Variants in HDAC4 observed in about 807,000 individuals in gnomAD.
HDAC4 encodes the protein histone deacetylase 4, also known as histone deacetylase A.
HDAC4 carries 16 observed loss-of-function variants against 135.1 expected under a neutral mutation model. The ratio of observed to expected loss-of-function variants is 0.12; its 90% CI spans 0.08 to 0.18. The LOEUF (loss-of-function observed/expected upper bound fraction) is 0.18. HDAC4 is among the 10% of genes least tolerant of loss of function. The probability of loss-of-function intolerance (pLI) is 1.00; values close to 1 mark genes in which losing one functional copy is unlikely to be tolerated. For missense variants in HDAC4, 1,143 were observed against 1,511.8 expected (o/e 0.76, Z 4.05); for synonymous variants, 685 against 653.4 (o/e 1.05, Z -0.74).
In HDAC4 at chr2:239,084,130, C is replaced by T. The variant is rs533542739; in HGVS notation, c.2532+25G>A. ...GACGGCAAAGGAGCAACCTGAGCTG[C>T]GCTGGCCAAGGCGGCTCTGCTTACC... On this transcript the variant is annotated intron_variant, in intron 20 of 26. Coordinates refer to ENST00000543185, the MANE Select transcript of HDAC4 (RefSeq NM_001378414.1). 61 of 1,574,896 alleles carry T rather than the reference C, an allele frequency of 3.9e-5. 2 individuals carry two copies. In the South Asian group the frequency reaches 5.5e-4, roughly 14 times the overall value.
intron 2 of HDAC4, among the ~76,000 whole-genome samples, chr2:239,248,488 C>A (rs1206044551): frequency 6.6e-6 from 1 of 152,108 alleles, no homozygotes; most frequent in East Asian, 1.9e-4. Context: ...CCACCTCTAG[C>A]GCTTTTTAGG....
In HDAC4 at chr2:239,240,623, C is replaced by A. The variant is rs114450887; in HGVS notation, c.23-3959G>T. Among the ~76,000 whole-genome samples the A allele has an allele frequency of 6.6e-6, 1 of 152,154 alleles. No homozygotes were observed. Among genetic ancestry groups the A allele is most frequent in the Non-Finnish European group, 1.5e-5 (1 of 68,020 alleles). ...TTTTGGAAACCCTGCTGGACAGGGA[C>A]GATCGTACTGAGTGTCCTCAAACAG... On this transcript the variant is annotated intron_variant, in intron 2 of 26. Coordinates refer to ENST00000543185, the MANE Select transcript of HDAC4 (RefSeq NM_001378414.1). The surrounding 1 kb of genome is among the most constrained non-coding windows in gnomAD (Gnocchi z 4.5).
intron 2 of HDAC4, among the ~76,000 whole-genome samples, chr2:239,287,786 G>A (rs2051220315): frequency 6.6e-6 from 1 of 152,090 alleles, no homozygotes; most frequent in African/African-American, 2.4e-5. Context: ...AAATGAAAAC[G>A]GGTACACAGA....
rs867177915 is a variant in HDAC4 at position 239,192,233 on chromosome 2, C to G, written c.95-2156G>C. Among the ~76,000 whole-genome samples, 7 of 83,062 alleles carry G rather than the reference C, an allele frequency of 8.4e-5. No individual in the cohort carries two copies. In the Middle Eastern group the frequency reaches 0.027, roughly 324 times the overall value. 54.5% of individuals were successfully genotyped at this position (83,062 alleles called of 152,430 possible). On this transcript the variant is annotated intron_variant, in intron 3 of 26. Coordinates refer to ENST00000543185, the MANE Select transcript of HDAC4 (RefSeq NM_001378414.1). ...GGAGCAGAAAGCAGGGGTCCACCCACCCCCCACCCCACACATAGGTGAGGA... is the reference window on the plus strand; with the variant it reads ...GGAGCAGAAAGCAGGGGTCCACCCAGCCCCCACCCCACACATAGGTGAGGA...
rs781548737 is a variant in HDAC4 at position 239,134,287 on chromosome 2, C to T, written c.1252G>A (p.Val418Ile). The T allele has an allele frequency of 8.1e-6, 13 of 1,613,276 alleles. No individual in the cohort carries two copies. Among genetic ancestry groups the T allele is most frequent in the Non-Finnish European group, 9.3e-6 (11 of 1,180,026 alleles). ...AAHSPLLQHM[V>I]LLEQPPAQAP... ...TGTGCCGGCGGCTGCTCCAGTAAGA[C>T]CATGTGCTGCAGAAGAGGGCTGTGC... Residue 418 changes from valine to isoleucine, a missense_variant, in exon 11 of 27, where the codon GTC (valine) becomes ATC (isoleucine). Transcript: ENST00000543185.
At chr2:239,254,544 C>T (rs1307499231) in intron 2 of HDAC4, among the ~76,000 whole-genome samples, 1 of 151,746 alleles carries the variant, frequency 6.6e-6, no homozygotes, top group Non-Finnish European at 1.5e-5. Context: ...CAGATTAGAT[C>T]TAGTTAAAGA....
At chr2:239,281,545 T>A (rs1283455222) in intron 2 of HDAC4, among the ~76,000 whole-genome samples, 1 of 141,054 alleles carries the variant, frequency 7.1e-6, no homozygotes, top group Non-Finnish European at 1.5e-5. Context: ...CACACCACTC[T>A]ACACACAATG....
At chr2:239,103,852 A>G (rs371236706) in intron 15 of HDAC4, among the ~76,000 whole-genome samples, 2 of 152,238 alleles carry the variant, frequency 1.3e-5, no homozygotes, top group East Asian at 3.9e-4. Context: ...GACGCATTGC[A>G]CCTGGGGGTC....
At chr2:239,380,396 A>T (rs552480655) in intron 1 of HDAC4, among the ~76,000 whole-genome samples, 1 of 152,322 alleles carries the variant, frequency 6.6e-6, no homozygotes, top group South Asian at 2.1e-4. Context: ...ATATAGACAT[A>T]TTTTATCTAT....
At chr2:239,288,879 TAG>T (rs1344057187) in intron 2 of HDAC4, among the ~76,000 whole-genome samples, 5 of 152,326 alleles carry the variant, frequency 3.3e-5, no homozygotes, top group African/African-American at 1.2e-4. Flanking sequence ...AATTCATCCA[TAG>T]AGTCAATGCA....
chr2:239,082,319 C>T (rs987380005), intron 20 of HDAC4, 98 bp from the exon 21 acceptor site: 14 of 1,478,842 alleles, frequency 9.5e-6, no homozygotes, highest in African/African-American at 4.2e-5. Flanking sequence ...TTAGTGACAA[C>T]GGCTCCTGCT....
At chr2:239,094,030 T>A in intron 17 of HDAC4, 1 of 985,434 alleles carries the variant, frequency 1.0e-6, no homozygotes, top group South Asian at 4.7e-5. Flanking sequence ...TTTGTTTCAT[T>A]TCCATAACAG....
intron 8 of HDAC4, 103 bp downstream of exon 8, chr2:239,144,480 G>T: frequency 6.9e-7 from 1 of 1,452,876 alleles, no homozygotes; most frequent in Non-Finnish European, 9.7e-7. Context: ...GACAGCGTGA[G>T]GCAGACACGT....
intron 3 of HDAC4, among the ~76,000 whole-genome samples, chr2:239,223,387 G>A (rs2047072231): frequency 1.3e-5 from 2 of 152,198 alleles, no homozygotes; most frequent in Admixed American, 1.3e-4. Flanking sequence ...GACCGGCGTG[G>A]GCTGCAGCAT....
At chr2:239,107,367 C>T (rs557953094) in intron 15 of HDAC4, among the ~76,000 whole-genome samples, 34 of 152,358 alleles carry the variant, frequency 2.2e-4, no homozygotes, top group African/African-American at 6.7e-4. Context: ...CAAGTGAGGC[C>T]GCTGCCATCG....
At chr2:239,164,458 C>T (rs1274516747) in intron 5 of HDAC4, among the ~76,000 whole-genome samples, 1 of 152,214 alleles carries the variant, frequency 6.6e-6, no homozygotes, top group African/African-American at 2.4e-5. Context: ...CAGACTCAGG[C>T]AGAGTGACTG....
chr2:239,117,696 C>T (rs898201188), intron 12 of HDAC4, among the ~76,000 whole-genome samples: 2 of 151,932 alleles, frequency 1.3e-5, no homozygotes, highest in African/African-American at 4.8e-5. Flanking sequence ...TGTGAAAGAA[C>T]GTCCCACAAT....
At chr2:239,200,274 G>A (rs182669463) in intron 3 of HDAC4, among the ~76,000 whole-genome samples, 10 of 152,240 alleles carry the variant, frequency 6.6e-5, no homozygotes, top group East Asian at 1.9e-4. Flanking sequence ...ACGCCTGAAC[G>A]GTCATAACTG....
intron 4 of HDAC4, chr2:239,186,709 C>T (rs2044572052): frequency 6.6e-6 from 1 of 152,284 alleles, no homozygotes; most frequent in Admixed American, 6.5e-5. Flanking sequence ...TCGGGGTGCT[C>T]TCTTCCAAGC....
Sources: allele counts gnomAD v4.1 joint callset (sites outside exome capture counted in the v4.1 genomes callset), GRCh38; gene constraint gnomAD v4.1.1; non-coding constraint Gnocchi (gnomAD v3.1); transcripts MANE v1.5; gene names NCBI Gene and HGNC (gene_info 2026-07-23, HGNC 2026-07-21).